The following PLXNA2 variants were observed in gnomAD, a reference collection of about 807,000 sequenced individuals.
The protein encoded by PLXNA2 is plexin-A2.
A neutral mutation model predicts 193.5 loss-of-function variants in PLXNA2; 91 were observed. The observed-to-expected ratio is 0.47, with a 90% CI of 0.40 to 0.56. The LOEUF (loss-of-function observed/expected upper bound fraction) is 0.56, where lower values mean the gene tolerates loss of function less well. Ranked by LOEUF, PLXNA2 falls within the 20% of genes least tolerant of loss-of-function variation. PLXNA2 has a pLI of 0.00. For missense variants in PLXNA2, 1,995 were observed against 2,503.2 expected (o/e 0.80, Z 4.33); for synonymous variants, 997 against 1,027.3 (o/e 0.97, Z 0.56).
intron 9 of PLXNA2, 50 bp from the exon 10 acceptor site, chr1:208,084,630 T>A (rs1414747445): frequency 1.3e-6 from 2 of 1,560,380 alleles, no homozygotes; most frequent in Admixed American, 3.4e-5. Flanking sequence ...CATGCTGTCC[T>A]ATGTGCCTGG....
intron 8 of PLXNA2, 29 bp downstream of exon 8, chr1:208,096,000 G>T: frequency 6.4e-7 from 1 of 1,559,824 alleles, no homozygotes; most frequent in East Asian, 2.2e-5. Flanking sequence ...TCCAGACCCA[G>T]AGCAAGACCC....
chr1:208,176,912 C>T (rs1312764038), intron 3 of PLXNA2, among the ~76,000 whole-genome samples: 2 of 152,200 alleles, frequency 1.3e-5, no homozygotes, highest in Non-Finnish European at 2.9e-5. Flanking sequence ...CTCATAGTCC[C>T]CTGAACCTGC....
At position 208,142,333 on chromosome 1, in the gene PLXNA2, C is replaced by A; in HGVS notation, c.1502G>T (p.Arg501Ile). The A allele has an allele frequency of 6.3e-7, 1 of 1,595,736 alleles. No individual in the cohort carries two copies. Among genetic ancestry groups the A allele is most frequent in the Non-Finnish European group, 8.5e-7 (1 of 1,173,624 alleles). The stretch of plus-strand genomic sequence containing the variant: ...GAGATGGATGTTAGCACTTACCTGT[C>A]TCTCAGACATGACGTACAGGTAGCG... Reference protein sequence around the residue: ...DQRYLYVMSERQVTRVPVESC... With the variant: ...DQRYLYVMSEIQVTRVPVESC... Residue 501 changes from arginine to isoleucine, a missense_variant, in exon 4 of 32, where the codon AGA becomes ATA. Physicochemically the swap from Arg to Ile is moderately conservative, Grantham distance 97. This residue lies in a region of PLXNA2 where 702 missense variants were observed against 812.9 expected (regional missense o/e 0.86). Coordinates refer to ENST00000367033, the MANE Select transcript of PLXNA2 (RefSeq NM_025179.4).
At chr1:208,030,527 T>C in intron 29 of PLXNA2, 1 of 985,448 alleles carries the variant, frequency 1.0e-6, no homozygotes, top group Non-Finnish European at 1.2e-6. Flanking sequence ...CACCCCAGCC[T>C]GTTCGTTTCA....
chr1:208,129,801 G>C (rs1159820510), intron 4 of PLXNA2, among the ~76,000 whole-genome samples: 2 of 152,194 alleles, frequency 1.3e-5, no homozygotes, highest in Non-Finnish European at 2.9e-5. Context: ...GTGTGATAGT[G>C]CAAGGATAAG....
Position 208,084,457 on chromosome 1 carries a change from G to A in PLXNA2, c.2221C>T (p.Leu741Phe), listed in dbSNP as rs750472853. ...QSGQRGYECV[L>F]NIQGAIHRVP... ...CGGTGGATGGCTCCTTGTATGTTGA[G>A]GACACACTCATAGCCTCGCTGGCCG... The change falls in exon 10 of 32, where the codon CTC (leucine) becomes TTC (phenylalanine). Residue 741 changes from leucine to phenylalanine, a missense_variant. Leu to Phe is a conservative substitution (Grantham distance 22, BLOSUM62 0). Transcript: ENST00000367033. 10 of 1,614,282 alleles carry A rather than the reference G, an allele frequency of 6.2e-6. No homozygotes were observed. Among genetic ancestry groups the A allele is most frequent in the Non-Finnish European group, 6.8e-6 (8 of 1,180,048 alleles).
At chr1:208,053,014 G>A (rs1468127712) in intron 14 of PLXNA2, among the ~76,000 whole-genome samples, 1 of 152,190 alleles carries the variant, frequency 6.6e-6, no homozygotes, top group African/African-American at 2.4e-5. Flanking sequence ...CCCTCATCAG[G>A]AGGATGGCGC....
At chr1:208,066,289 C>T (rs12057845) in intron 12 of PLXNA2, among the ~76,000 whole-genome samples, 60,030 of 151,984 alleles carry the variant, frequency 0.39, 12,336 homozygotes, top group East Asian at 0.7. Flanking sequence ...TGGGTTGGGG[C>T]GAAAGGGGTC....
chr1:208,094,982 A>G (rs1666833524), intron 8 of PLXNA2, among the ~76,000 whole-genome samples: 1 of 152,086 alleles, frequency 6.6e-6, no homozygotes, highest in Non-Finnish European at 1.5e-5. Context: ...CATAGCTTGG[A>G]CCCTACAGAC....
At chr1:208,103,301 G>T in intron 4 of PLXNA2, 54 bp from the exon 5 acceptor site, 2 of 1,377,984 alleles carry the variant, frequency 1.5e-6, no homozygotes, top group Non-Finnish European at 1.0e-6. Context: ...CGACTAGCAG[G>T]TGTGTGTCAC....
At chr1:208,197,492 C>A (rs1026012244) in intron 3 of PLXNA2, among the ~76,000 whole-genome samples, 9 of 152,314 alleles carry the variant, frequency 5.9e-5, no homozygotes, top group Non-Finnish European at 7.3e-5. Context: ...AGAGAGCTAA[C>A]CCTTGTGTGT....
In PLXNA2 at chr1:208,044,655, C is replaced by T. The variant is rs757756682; in HGVS notation, c.3727G>A (p.Ala1243Thr). 1.1e-5 allele frequency: 17 copies of T among 1,613,834 alleles called. No homozygotes were observed. The highest frequency in any genetic ancestry group is 8.0e-5 in the African/African-American group (6 of 74,854). ...LLTLPAIVSIAAGGSLLLIIV... is the reference protein window; with the variant it reads ...LLTLPAIVSITAGGSLLLIIV... The stretch of plus-strand genomic sequence containing the variant: ...ATGAGGAGGAGGCTGCCGCCGGCCG[C>T]GATGCTGACGATGGCTGGCAGGGTC... The change falls in exon 20 of 32, where the codon GCG becomes ACG. Residue 1243 changes from alanine (A) to threonine (T), a missense_variant. Ala to Thr is a moderately conservative substitution (Grantham distance 58, BLOSUM62 0). Transcript: ENST00000367033. The surrounding 1 kb of genome is among the most constrained non-coding windows in gnomAD (Gnocchi z 4.9).
intron 4 of PLXNA2, among the ~76,000 whole-genome samples, chr1:208,128,811 C>A (rs1668052893): frequency 6.6e-6 from 1 of 150,820 alleles, no homozygotes; most frequent in South Asian, 2.1e-4. Context: ...ACACCATTCT[C>A]CTGCCTCAGC....
chr1:208,065,297 G>C (rs1665754440), intron 12 of PLXNA2, among the ~76,000 whole-genome samples: 1 of 152,178 alleles, frequency 6.6e-6, no homozygotes, highest in Non-Finnish European at 1.5e-5. Flanking sequence ...TCTGATGCTG[G>C]GACAGTGTCT....
At chr1:208,045,564 T>C (rs1665033171) in intron 18 of PLXNA2, among the ~76,000 whole-genome samples, 1 of 152,170 alleles carries the variant, frequency 6.6e-6, no homozygotes, top group South Asian at 2.1e-4. Context: ...GAAATGTGTG[T>C]GTGGGCTCCT....
intron 3 of PLXNA2, among the ~76,000 whole-genome samples, chr1:208,171,373 A>G (rs1057165591): frequency 6.6e-6 from 1 of 152,204 alleles, no homozygotes. Flanking sequence ...TAAAGGTTTG[A>G]TATGTACTCT....
chr1:208,179,491 T>G lies in PLXNA2; in HGVS notation c.1371+30789A>C, dbSNP rs142528226. On this transcript the variant is annotated intron_variant, in intron 3 of 31. Transcript: ENST00000367033. The stretch of plus-strand genomic sequence containing the variant: ...AACCTCCTCCCTCCTGGCATAATGG[T>G]CTGCCAAGAGGCAGGCAGCACTCAC... 2.7e-3 allele frequency among the ~76,000 whole-genome samples: 406 copies of G among 152,230 alleles called. 4 individuals are homozygous for G. The highest frequency in any genetic ancestry group is 9.2e-3 in the African/African-American group (384 of 41,528).
At position 208,044,043 on chromosome 1, in the gene PLXNA2, C is replaced by T. The variant is rs777223157; in HGVS notation, c.3874+465G>A. On this transcript the variant is annotated intron_variant, in intron 20 of 31. Coordinates refer to ENST00000367033, the MANE Select transcript of PLXNA2 (RefSeq NM_025179.4). The surrounding 1 kb of genome is among the most constrained non-coding windows in gnomAD (Gnocchi z 4.9). ...AAGTGGCGGCCTTCAGAGCGCTCAG[C>T]CTGCAGCACTGATGGAAAACAAACC... Among the ~76,000 whole-genome samples the T allele has an allele frequency of 3.3e-5, 5 of 152,188 alleles. No individual in the cohort carries two copies. The highest frequency in any genetic ancestry group is 1.3e-4 in the Admixed American group (2 of 15,270).
chr1:208,045,864 G>A lies in PLXNA2; in HGVS notation c.3495+14C>T, dbSNP rs1021929193. The stretch of plus-strand genomic sequence containing the variant: ...CTGCCCCTGGTGGCACTGCCCTCTG[G>A]CGGGCACTCCTACCTTCAGAATGAT... On this transcript the variant is annotated intron_variant, in intron 18 of 31. Transcript: ENST00000367033. 6.2e-7 allele frequency: 1 copy of A among 1,613,830 alleles called. No individual in the cohort carries two copies. The highest frequency in any genetic ancestry group is 8.5e-7 in the Non-Finnish European group (1 of 1,179,698).
Sources: allele counts gnomAD v4.1 joint callset (sites outside exome capture counted in the v4.1 genomes callset), GRCh38; gene constraint gnomAD v4.1.1; regional missense constraint gnomAD v4.1.1; non-coding constraint Gnocchi (gnomAD v3.1); transcripts MANE v1.5; gene names NCBI Gene and HGNC (gene_info 2026-07-23, HGNC 2026-07-21).